Variants in AK8 observed in about 807,000 individuals in gnomAD.
AK8 encodes ATP-AMP transphosphorylase 8.
Under a neutral mutation model 54.6 loss-of-function variants are expected in AK8, and 44 were observed. The ratio of observed to expected loss-of-function variants is 0.81; its 90% CI spans 0.63 to 1.04. The LOEUF is 1.04. Among genes scored for constraint, AK8 ranks in the 50% least tolerant of loss-of-function variants. The probability of loss-of-function intolerance (pLI) is 0.00; values close to 1 mark genes in which losing one functional copy is unlikely to be tolerated. For synonymous variants in AK8, 239 were observed against 245.6 expected (o/e 0.97, Z 0.25); for missense variants, 555 against 613.6 (o/e 0.90, Z 1.01).
Position 132,878,115 on chromosome 9 carries a change from G to T in AK8, c.84+57C>A. 6.5e-7 allele frequency: 1 copy of T among 1,549,624 alleles called. No homozygotes were observed. The highest frequency in any genetic ancestry group is 1.2e-5 in the South Asian group (1 of 84,088). ...GGGTCCCGGCCGCGCACCCGACGTCGCAGTGGAGGCTCCCGAGCCGCCGCC... is the reference window on the plus strand; with the variant it reads ...GGGTCCCGGCCGCGCACCCGACGTCTCAGTGGAGGCTCCCGAGCCGCCGCC... On this transcript the variant is annotated intron_variant, in intron 1 of 12. Coordinates refer to ENST00000298545, the MANE Select transcript of AK8 (RefSeq NM_152572.3). This position sits in a 1 kb window ranked among gnomAD's most constrained non-coding sequence, Gnocchi z 4.7.
chr9:132,786,066 C>T (rs898138998), intron 11 of AK8, among the ~76,000 whole-genome samples: 1 of 152,214 alleles, frequency 6.6e-6, no homozygotes, highest in South Asian at 2.1e-4. Flanking sequence ...CCAGAGGCAA[C>T]GAGCTGAGGC....
In AK8 at chr9:132,791,482, T is replaced by C. The variant is rs1344990447; in HGVS notation, c.1121+1152A>G. Among the ~76,000 whole-genome samples the C allele has an allele frequency of 6.6e-6, 1 of 152,206 alleles. No homozygotes were observed. The highest frequency in any genetic ancestry group is 1.5e-5 in the Non-Finnish European group (1 of 68,040). ...TAAAATTTCAATGGCAGTTTCTTTTTGTACATGATAAAATCATTATAGTGC... is the reference window on the plus strand; with the variant it reads ...TAAAATTTCAATGGCAGTTTCTTTTCGTACATGATAAAATCATTATAGTGC... On this transcript the variant is annotated intron_variant, in intron 11 of 12. Coordinates refer to ENST00000298545, the MANE Select transcript of AK8 (RefSeq NM_152572.3). This position sits in a 1 kb window ranked among gnomAD's most constrained non-coding sequence, Gnocchi z 4.0.
At chr9:132,794,200 C>T (rs747572288) in intron 10 of AK8, among the ~76,000 whole-genome samples, 2 of 152,188 alleles carry the variant, frequency 1.3e-5, no homozygotes, top group African/African-American at 2.4e-5. Flanking sequence ...TTTGCTTTAA[C>T]GAGAACATCT....
intron 11 of AK8, among the ~76,000 whole-genome samples, chr9:132,753,686 G>A (rs1049542361): frequency 2.6e-5 from 4 of 152,198 alleles, no homozygotes; most frequent in African/African-American, 4.8e-5. Context: ...GGGCACCCTC[G>A]CAGTGAGGGG....
chr9:132,851,158 G>A (rs759864427), intron 5 of AK8, among the ~76,000 whole-genome samples: 28 of 152,214 alleles, frequency 1.8e-4, no homozygotes, highest in Admixed American at 5.2e-4. Context: ...GGAGAAGAGC[G>A]AGCTAGGAGG....
chr9:132,744,132 C>T (rs761533414), intron 11 of AK8, among the ~76,000 whole-genome samples: 22 of 152,064 alleles, frequency 1.4e-4, no homozygotes, highest in African/African-American at 5.1e-4. Flanking sequence ...GGGGGTGTGC[C>T]GGCTCACACC....
intron 9 of AK8, among the ~76,000 whole-genome samples, chr9:132,822,715 T>G (rs1841697617): frequency 6.6e-6 from 1 of 152,146 alleles, no homozygotes; most frequent in African/African-American, 2.4e-5. Flanking sequence ...TGGTAAAATA[T>G]TTATTGAAAC....
intron 11 of AK8, among the ~76,000 whole-genome samples, chr9:132,729,977 T>C (rs1335491092): frequency 6.6e-6 from 1 of 152,120 alleles, no homozygotes; most frequent in Non-Finnish European, 1.5e-5. Flanking sequence ...AAATCCCAAA[T>C]GTGGAGATCC....
At chr9:132,835,630 C>T (rs564910122) in intron 5 of AK8, among the ~76,000 whole-genome samples, 14 of 152,214 alleles carry the variant, frequency 9.2e-5, no homozygotes, top group Non-Finnish European at 1.9e-4. Flanking sequence ...TGGCCTCATT[C>T]TCCTCTGCAC....
intron 11 of AK8, among the ~76,000 whole-genome samples, chr9:132,754,443 T>C (rs1838092904): frequency 6.6e-6 from 1 of 152,156 alleles, no homozygotes; most frequent in Non-Finnish European, 1.5e-5. Context: ...CACCAGTGAC[T>C]CTGAATGTTC....
At position 132,860,997 on chromosome 9, in the gene AK8, C is replaced by T. The variant is rs1174550564; in HGVS notation, c.333+2668G>A. ...GCAGGGGGAGCAGGTGAGGGTGCAA[C>T]CCAAGGCTAGACTGCCATGAGCTGA... On this transcript the variant is annotated intron_variant, in intron 4 of 12. Coordinates refer to ENST00000298545, the MANE Select transcript of AK8 (RefSeq NM_152572.3). This position sits in a 1 kb window ranked among gnomAD's most constrained non-coding sequence, Gnocchi z 4.4. Among the ~76,000 whole-genome samples the T allele has an allele frequency of 6.6e-6, 1 of 152,232 alleles. No individual in the cohort carries two copies. The highest frequency in any genetic ancestry group is 1.5e-5 in the Non-Finnish European group (1 of 68,042).
intron 11 of AK8, among the ~76,000 whole-genome samples, chr9:132,741,474 C>A (rs1189037001): frequency 6.6e-6 from 1 of 152,130 alleles, no homozygotes; most frequent in Non-Finnish European, 1.5e-5. Flanking sequence ...CAGCAACAGC[C>A]CCCCAAAAAC....
Position 132,852,161 on chromosome 9 carries a change from CAT to C in AK8, c.402+2694_402+2695del, listed in dbSNP as rs537151272. Among the ~76,000 whole-genome samples the C allele has an allele frequency of 5.1e-4, 78 of 152,278 alleles. 1 individual carries two copies. The highest frequency in any genetic ancestry group is 3.9e-3 in the Admixed American group (59 of 15,294). On this transcript the variant is annotated intron_variant, in intron 5 of 12. Transcript: ENST00000298545. ...GACAATAGTTCAATACAAATTATCA[CAT>C]GTGACTGATAGAGAGTAAAAACAAT...
intron 2 of AK8, among the ~76,000 whole-genome samples, chr9:132,867,205 CA>C (rs1843637166): frequency 6.6e-6 from 1 of 151,832 alleles, no homozygotes; most frequent in African/African-American, 2.4e-5. Flanking sequence ...ACTTGTTTAC[CA>C]AACTCATAAA....
chr9:132,747,172 C>T (rs756208098), intron 11 of AK8, among the ~76,000 whole-genome samples: 9 of 152,194 alleles, frequency 5.9e-5, no homozygotes, highest in Non-Finnish European at 1.2e-4. Context: ...GACAGAGTCT[C>T]GCTCTGTTGC....
At chr9:132,838,163 C>G (rs1842401871) in intron 5 of AK8, among the ~76,000 whole-genome samples, 1 of 152,190 alleles carries the variant, frequency 6.6e-6, no homozygotes, top group Admixed American at 6.5e-5. Context: ...GGACCAGCAT[C>G]TAGCTCCTCC....
chr9:132,808,861 C>T (rs573553271), intron 10 of AK8, among the ~76,000 whole-genome samples: 65 of 152,168 alleles, frequency 4.3e-4, no homozygotes, highest in African/African-American at 1.4e-3. Flanking sequence ...GGCGGAGTCC[C>T]CAGGGAAGGA....
chr9:132,764,788 A>C (rs905402781), intron 11 of AK8, among the ~76,000 whole-genome samples: 10 of 152,220 alleles, frequency 6.6e-5, no homozygotes, highest in Non-Finnish European at 1.3e-4. Context: ...CTTTTGCACC[A>C]ACCTAATACC....
chr9:132,742,127 T>C lies in AK8; in HGVS notation c.1122-14593A>G, dbSNP rs143643295. Among the ~76,000 whole-genome samples the C allele has an allele frequency of 7.4e-3, 1,129 of 151,988 alleles. 13 individuals are homozygous for C. Among genetic ancestry groups the C allele is most frequent in the African/African-American group, 0.024 (1,008 of 41,418 alleles). ...CAAACAGTGCTCCATTCTTTGGATCTATCACATTTTGTTTATGCATCCACG... is the reference window on the plus strand; with the variant it reads ...CAAACAGTGCTCCATTCTTTGGATCCATCACATTTTGTTTATGCATCCACG... On this transcript the variant is annotated intron_variant, in intron 11 of 12. Transcript: ENST00000298545.
Sources: gnomAD v4.1 joint callset for allele counts (sites outside exome capture counted in the v4.1 genomes callset) on GRCh38, gnomAD v4.1.1 for gene constraint, Gnocchi (gnomAD v3.1) non-coding constraint, MANE v1.5 for transcripts, NCBI Gene and HGNC (gene_info 2026-07-23, HGNC 2026-07-21) for gene names.